The following PALLD variants were observed in gnomAD, a reference collection of about 807,000 sequenced individuals.
PALLD encodes the protein palladin.
Under a neutral mutation model 123.5 loss-of-function variants are expected in PALLD, and 61 were observed. The ratio of observed to expected loss-of-function variants is 0.49; its 90% CI spans 0.40 to 0.61. The LOEUF is 0.61. Ranked by LOEUF, PALLD falls within the 20% of genes least tolerant of loss-of-function variation. The pLI is 0.00. For missense variants in PALLD, 1,273 were observed against 1,377.0 expected (o/e 0.92, Z 1.20); for synonymous variants, 465 against 496.4 (o/e 0.94, Z 0.84).
At chr4:168,759,350 TGCACA>T (rs1033899247) in intron 10 of PALLD, among the ~76,000 whole-genome samples, 17 of 150,938 alleles carry the variant, frequency 1.1e-4, no homozygotes, top group Non-Finnish European at 1.5e-5. Flanking sequence ...GATTTTAAAA[TGCACA>T]GTACCATTCA....
intron 2 of PALLD, among the ~76,000 whole-genome samples, chr4:168,605,659 T>C (rs895448675): frequency 1.2e-4 from 18 of 152,226 alleles, no homozygotes; most frequent in African/African-American, 3.9e-4. Flanking sequence ...CTGGACACAC[T>C]GGGCTTGGTG....
intron 10 of PALLD, among the ~76,000 whole-genome samples, chr4:168,712,810 G>A (rs900505172): frequency 6.6e-6 from 1 of 152,082 alleles, no homozygotes; most frequent in Non-Finnish European, 1.5e-5. Flanking sequence ...TGATGTTTTT[G>A]ATTTGGGGCA....
intron 10 of PALLD, among the ~76,000 whole-genome samples, chr4:168,733,684 A>G (rs1350524830): frequency 6.6e-6 from 1 of 152,028 alleles, no homozygotes; most frequent in African/African-American, 2.4e-5. Flanking sequence ...CTCCCACCTT[A>G]GCCTCCTGAA....
chr4:168,708,734 C>T (rs758775944), intron 8 of PALLD, among the ~76,000 whole-genome samples: 4 of 152,104 alleles, frequency 2.6e-5, no homozygotes, highest in African/African-American at 4.8e-5. Context: ...GCAGACATCT[C>T]GTTTTATCTT....
intron 2 of PALLD, among the ~76,000 whole-genome samples, chr4:168,639,728 T>G (rs952773131): frequency 5.9e-5 from 9 of 151,954 alleles, no homozygotes; most frequent in Non-Finnish European, 1.0e-4. Context: ...TATTTTTTAG[T>G]AGAGACGGGG....
At chr4:168,756,615 A>G (rs1731920153) in intron 10 of PALLD, among the ~76,000 whole-genome samples, 1 of 152,322 alleles carries the variant, frequency 6.6e-6, no homozygotes, top group Non-Finnish European at 1.5e-5. Context: ...GAAAGGTGGT[A>G]TTTATGGACG....
intron 10 of PALLD, among the ~76,000 whole-genome samples, chr4:168,761,666 T>G (rs560887803): frequency 0.036 from 3,065 of 84,544 alleles, 279 homozygotes; most frequent in East Asian, 0.21. Flanking sequence ...TTTTTTTTTT[T>G]TTTTTTTTTT....
chr4:168,684,891 A>C (rs10007891), intron 5 of PALLD, among the ~76,000 whole-genome samples: 4,503 of 152,306 alleles, frequency 0.03, 219 homozygotes, highest in African/African-American at 0.1. Flanking sequence ...AATAAGTGAT[A>C]GTACACAAAG....
intron 10 of PALLD, among the ~76,000 whole-genome samples, chr4:168,742,584 A>G (rs73864637): frequency 1.6e-3 from 242 of 152,338 alleles, no homozygotes; most frequent in African/African-American, 5.6e-3. Flanking sequence ...TACCGGACTC[A>G]GGAGTTCTTT....
At chr4:168,619,177 G>C (rs2149791852) in intron 2 of PALLD, among the ~76,000 whole-genome samples, 1 of 152,318 alleles carries the variant, frequency 6.6e-6, no homozygotes, top group South Asian at 2.1e-4. Flanking sequence ...TCTTTGATAA[G>C]CCGTAGGAAA....
chr4:168,858,797 TA>T (rs35301228), intron 10 of PALLD, among the ~76,000 whole-genome samples: 14,185 of 148,980 alleles, frequency 0.095, 713 homozygotes, highest in Middle Eastern at 0.2. Context: ...AAATAAAAAT[TA>T]AAAAAAAAAA....
At chr4:168,889,907 G>A (rs542361878) in intron 10 of PALLD, among the ~76,000 whole-genome samples, 5 of 152,146 alleles carry the variant, frequency 3.3e-5, no homozygotes, top group Non-Finnish European at 7.4e-5. Context: ...GCAGGGGGCT[G>A]TTTTGCTTTT....
At chr4:168,502,550 G>C (rs1374590016) in intron 1 of PALLD, among the ~76,000 whole-genome samples, 2 of 152,126 alleles carry the variant, frequency 1.3e-5, no homozygotes, top group South Asian at 2.1e-4. Context: ...CCAGAAAACA[G>C]AGCCCGGGAC....
At chr4:168,903,540 CAAAA>C (rs1231886122) in intron 14 of PALLD, among the ~76,000 whole-genome samples, 1 of 152,046 alleles carries the variant, frequency 6.6e-6, no homozygotes, top group Non-Finnish European at 1.5e-5. Context: ...TTTTTAAAAA[CAAAA>C]GGAAGATATA....
intron 1 of PALLD, among the ~76,000 whole-genome samples, chr4:168,497,644 G>C (rs904351877): frequency 6.6e-6 from 1 of 152,162 alleles, no homozygotes; most frequent in African/African-American, 2.4e-5. Context: ...ATTATAAATT[G>C]TTAATTACAC....
intron 10 of PALLD, among the ~76,000 whole-genome samples, chr4:168,784,351 GAA>G (rs1736379559): frequency 6.6e-6 from 1 of 151,922 alleles, no homozygotes; most frequent in African/African-American, 2.4e-5. Context: ...GAGAGAGAGA[GAA>G]AGAAAAGAAA....
chr4:168,506,791 C>T (rs6831539), intron 1 of PALLD, among the ~76,000 whole-genome samples: 59,885 of 151,902 alleles, frequency 0.39, 12,688 homozygotes, highest in East Asian at 0.59. Context: ...AGCAATCTGG[C>T]TTATATTTCT....
chr4:168,560,725 T>G (rs1007899355), intron 2 of PALLD, among the ~76,000 whole-genome samples: 25 of 152,198 alleles, frequency 1.6e-4, no homozygotes, highest in Admixed American at 7.2e-4. Context: ...TCCTAGTAAG[T>G]GCCAGGTACT....
rs116881886 is a variant in PALLD at position 168,853,894 on chromosome 4, G to A, written c.1965-37028G>A. Among the ~76,000 whole-genome samples, 14 of 152,258 alleles carry A rather than the reference G, an allele frequency of 9.2e-5. No homozygotes were observed. The East Asian group carries it at 1.2e-3, about 13-fold the overall frequency. ...GGACTCATGATGGTTGAGATGAGAC[G>A]GATGGAGACAGGCAGCTCTGACTTC... On this transcript the variant is annotated intron_variant, in intron 10 of 21. Transcript: ENST00000505667.
Sources: gnomAD v4.1 joint callset for allele counts (sites outside exome capture counted in the v4.1 genomes callset) on GRCh38, gnomAD v4.1.1 for gene constraint, MANE v1.5 for transcripts, NCBI Gene and HGNC (gene_info 2026-07-23, HGNC 2026-07-21) for gene names.